The following EFCAB11 variants were observed in gnomAD, a reference collection of about 807,000 sequenced individuals.
The protein encoded by EFCAB11 is EF-hand calcium binding domain 11.
A neutral mutation model predicts 23.0 loss-of-function variants in EFCAB11; 14 were observed. The observed-to-expected ratio is 0.61, with a 90% confidence interval of 0.40 to 0.95. The LOEUF (loss-of-function observed/expected upper bound fraction) is 0.95. Among genes scored for constraint, EFCAB11 ranks in the 40% least tolerant of loss-of-function variants. The pLI, the probability that EFCAB11 is intolerant of heterozygous loss-of-function variation, is 0.00. For missense variants in EFCAB11, 198 were observed against 195.8 expected, an observed-to-expected ratio of 1.01 and a Z score of -0.07; for synonymous variants, 65 against 66.6, an observed-to-expected ratio of 0.98 and a Z score of 0.11.
At chr14:89,830,088 A>C (rs569332187) in intron 5 of EFCAB11, 1 of 152,148 alleles carries the variant, frequency 6.6e-6, no homozygotes, top group Non-Finnish European at 1.5e-5. Context: ...TTTCTTTTGT[A>C]TCATTATTAA....
intron 5 of EFCAB11, among the ~76,000 whole-genome samples, chr14:89,851,653 G>A (rs1181204087): frequency 6.6e-6 from 1 of 152,156 alleles, no homozygotes; most frequent in Non-Finnish European, 1.5e-5. Context: ...AAGCAAATTT[G>A]GATCTAACAA....
At chr14:89,808,582 C>T (rs571987533) in intron 5 of EFCAB11, among the ~76,000 whole-genome samples, 108 of 152,232 alleles carry the variant, frequency 7.1e-4, no homozygotes, top group African/African-American at 2.6e-3. Flanking sequence ...GGAAATTTGG[C>T]CTTAGTTCAG....
At chr14:89,862,814 C>T (rs1303897898) in intron 5 of EFCAB11, among the ~76,000 whole-genome samples, 3 of 152,258 alleles carry the variant, frequency 2.0e-5, no homozygotes, top group Admixed American at 1.3e-4. Context: ...CTAAATCTTA[C>T]CTCCTGGAGA....
At chr14:89,807,715 T>A (rs1043871937) in intron 5 of EFCAB11, among the ~76,000 whole-genome samples, 1 of 152,068 alleles carries the variant, frequency 6.6e-6, no homozygotes, top group African/African-American at 2.4e-5. Flanking sequence ...ATATTTTGAG[T>A]GGGATATATT....
chr14:89,943,095 G>A (rs931768181), intron 3 of EFCAB11, among the ~76,000 whole-genome samples: 1 of 152,150 alleles, frequency 6.6e-6, no homozygotes, highest in African/African-American at 2.4e-5. Context: ...AAAGAATCCT[G>A]TGGATGGTGT....
At chr14:89,939,890 C>G (rs923086846) in intron 3 of EFCAB11, among the ~76,000 whole-genome samples, 3 of 152,146 alleles carry the variant, frequency 2.0e-5, no homozygotes, top group African/African-American at 7.2e-5. Flanking sequence ...AGGCACCCAC[C>G]ACCACGCCCA....
intron 5 of EFCAB11, among the ~76,000 whole-genome samples, chr14:89,915,982 T>C (rs2139776367): frequency 6.6e-6 from 1 of 152,248 alleles, no homozygotes; most frequent in South Asian, 2.1e-4. Flanking sequence ...CTAGCCATCC[T>C]TCCTGTTTAA....
chr14:89,824,406 G>T (rs376083323), intron 5 of EFCAB11, among the ~76,000 whole-genome samples: 1 of 151,936 alleles, frequency 6.6e-6, no homozygotes, highest in Non-Finnish European at 1.5e-5. Flanking sequence ...AAAATAATAC[G>T]AAATGGAAAA....
At chr14:89,891,938 T>C (rs1888982406) in intron 5 of EFCAB11, among the ~76,000 whole-genome samples, 1 of 151,964 alleles carries the variant, frequency 6.6e-6, no homozygotes, top group African/African-American at 2.4e-5. Flanking sequence ...GGGCGCCGAG[T>C]GCTACCGCCG....
At chr14:89,907,022 A>G (rs1566805728) in intron 5 of EFCAB11, among the ~76,000 whole-genome samples, 1 of 152,212 alleles carries the variant, frequency 6.6e-6, no homozygotes, top group African/African-American at 2.4e-5. Flanking sequence ...TTTTAAAGCT[A>G]GAAGTCCTTC....
chr14:89,864,049 G>A (rs1261763638), intron 5 of EFCAB11, among the ~76,000 whole-genome samples: 1 of 152,068 alleles, frequency 6.6e-6, no homozygotes, highest in Non-Finnish European at 1.5e-5. Context: ...AACCAATGAG[G>A]AACACTACTT....
At chr14:89,841,507 T>C (rs1887267773) in intron 5 of EFCAB11, among the ~76,000 whole-genome samples, 1 of 151,560 alleles carries the variant, frequency 6.6e-6, no homozygotes. Context: ...GAGCGTGCCA[T>C]TCTACTGATA....
At chr14:89,817,722 G>A (rs1027092556) in intron 5 of EFCAB11, among the ~76,000 whole-genome samples, 1 of 152,074 alleles carries the variant, frequency 6.6e-6, no homozygotes, top group African/African-American at 2.4e-5. Flanking sequence ...GGCCAGGCGC[G>A]GTGGCTCACG....
chr14:89,880,388 T>G (rs2140174679), intron 5 of EFCAB11, among the ~76,000 whole-genome samples: 1 of 152,334 alleles, frequency 6.6e-6, no homozygotes, highest in South Asian at 2.1e-4. Context: ...CTTTTGTTTA[T>G]AAGCTACCCA....
intron 5 of EFCAB11, among the ~76,000 whole-genome samples, chr14:89,902,798 C>T (rs565473537): frequency 4.6e-5 from 7 of 152,268 alleles, no homozygotes; most frequent in Non-Finnish European, 8.8e-5. Context: ...TAAATCCTTT[C>T]ACTATTTTTA....
chr14:89,840,337 T>C (rs1296855195), intron 5 of EFCAB11, among the ~76,000 whole-genome samples: 1 of 152,226 alleles, frequency 6.6e-6, no homozygotes, highest in African/African-American at 2.4e-5. Context: ...ACAATTGCAA[T>C]GAAGAAATTG....
rs573999949 is a variant in EFCAB11, at chr14:89,794,965, T to C, written c.*2278A>G. 5 of 138,306 alleles carry C rather than the reference T, an allele frequency of 3.6e-5. No homozygotes were observed. The East Asian group carries it at 9.4e-4, about 26-fold the overall frequency. The allele number at this position is 138,306 out of a possible 1,614,324, so 8.6% of individuals were successfully genotyped here. On this transcript the variant is annotated 3_prime_UTR_variant, in exon 6 of 6. Transcript: ENST00000316738. ...CCATGCTTGATTTGTTTCTACTTAATGTCTTTTTTTTTTTTTTTTTTTTTT... is the reference window on the plus strand; with the variant it reads ...CCATGCTTGATTTGTTTCTACTTAACGTCTTTTTTTTTTTTTTTTTTTTTT...
At chr14:89,832,571 G>T (rs895329288) in intron 5 of EFCAB11, among the ~76,000 whole-genome samples, 3 of 152,160 alleles carry the variant, frequency 2.0e-5, no homozygotes, top group Non-Finnish European at 4.4e-5. Flanking sequence ...GCACTATACA[G>T]ATGTTCCTTG....
intron 5 of EFCAB11, among the ~76,000 whole-genome samples, chr14:89,807,647 A>G (rs980645450): frequency 1.3e-5 from 2 of 152,232 alleles, no homozygotes; most frequent in African/African-American, 4.8e-5. Context: ...TTTAAAAAGC[A>G]TACTTCCTCA....
Sources: gnomAD v4.1 joint callset for allele counts (sites outside exome capture counted in the v4.1 genomes callset) on GRCh38, gnomAD v4.1.1 for gene constraint, MANE v1.5 for transcripts, NCBI Gene and HGNC (gene_info 2026-07-23, HGNC 2026-07-21) for gene names.